Variants in ENTPD4 observed in about 807,000 individuals in gnomAD.
ENTPD4 encodes Golgi UDPase.
In ENTPD4, 60 loss-of-function variants were observed where a neutral mutation model predicts 79.1. The ratio of observed to expected loss-of-function variants is 0.76; its 90% CI spans 0.62 to 0.94. ENTPD4 has a LOEUF of 0.94. Ranked by LOEUF, ENTPD4 falls within the 40% of genes least tolerant of loss-of-function variation. The pLI, the probability that ENTPD4 is intolerant of heterozygous loss-of-function variation, is 0.00. For synonymous variants in ENTPD4, 276 were observed against 292.0 expected, an observed-to-expected ratio of 0.95 and a Z score of 0.56; for missense variants, 772 against 775.1, an observed-to-expected ratio of 1.00 and a Z score of 0.05.
Position 23,439,812 on chromosome 8 carries a change from C to G in ENTPD4, c.986G>C (p.Gly329Ala). Residue 329 changes from glycine to alanine, a missense_variant, in exon 9 of 13, where the codon GGT (glycine) becomes GCT (alanine). Coordinates refer to ENST00000358689, the MANE Select transcript of ENTPD4 (RefSeq NM_004901.5). The part of the protein sequence containing the change: ...RVYVATFLGF[G>A]GNAARQRYED... Reference sequence around the variant, plus strand: ...GTATCTCTGTCGAGCAGCATTGCCACCAAACCCAAGAAACGTGGCCACATA... The same window carrying G: ...GTATCTCTGTCGAGCAGCATTGCCAGCAAACCCAAGAAACGTGGCCACATA... 2 of 1,614,166 alleles carry G rather than the reference C, an allele frequency of 1.2e-6. No homozygotes were observed. The highest frequency in any genetic ancestry group is 1.7e-6 in the Non-Finnish European group (2 of 1,180,020).
Position 23,432,895 on chromosome 8 carries a change from C to G in ENTPD4, c.*31G>C. 6.5e-7 allele frequency: 1 copy of G among 1,529,626 alleles called. No individual in the cohort carries two copies. Among genetic ancestry groups the G allele is most frequent in the Non-Finnish European group, 8.8e-7 (1 of 1,134,252 alleles). The allele number at this position is 1,529,626 out of a possible 1,614,324, so 94.8% of individuals were successfully genotyped here. A position where few individuals can be genotyped will look rare whatever the true frequency, so the allele number is the denominator to read the frequency against. ...AACCCTGAGGCAAAAATGGCTTTTC[C>G]TTTTGAGTCTTCGTGGAGCTGTGAG... On this transcript the variant is annotated 3_prime_UTR_variant, in exon 13 of 13. Coordinates refer to ENST00000358689, the MANE Select transcript of ENTPD4 (RefSeq NM_004901.5).
chr8:23,430,499 G>C lies in ENTPD4; in HGVS notation c.*2427C>G. ...TTTTTGAACTGCATTGTTCTCACAA[G>C]GACCAGCAAACTTTTTCTGTAAATA... On this transcript the variant is annotated 3_prime_UTR_variant, in exon 13 of 13. Transcript: ENST00000358689. The C allele has an allele frequency of 1.0e-6, 1 of 985,414 alleles. No homozygotes were observed. The highest frequency in any genetic ancestry group is 1.2e-6 in the Non-Finnish European group (1 of 829,926). The allele number at this position is 985,414 out of a possible 1,614,324, so 61.0% of individuals were successfully genotyped here. A position where few individuals can be genotyped will look rare whatever the true frequency, so the allele number is the denominator to read the frequency against.
At chr8:23,435,608 T>C (rs1800543302) in intron 10 of ENTPD4, 131 bp from the exon 11 acceptor site, 1 of 669,932 alleles carries the variant, frequency 1.5e-6, no homozygotes, top group Non-Finnish European at 2.6e-6. Flanking sequence ...GCTTAACTTA[T>C]ACAACAAATG....
Position 23,432,735 on chromosome 8 carries a change from T to G in ENTPD4, c.*191A>C, listed in dbSNP as rs1246799495. On this transcript the variant is annotated 3_prime_UTR_variant, in exon 13 of 13. Coordinates refer to ENST00000358689, the MANE Select transcript of ENTPD4 (RefSeq NM_004901.5). ...GGATGGTCTCGATCTCCTGACCTCA[T>G]GATCCGCCCGCCTCGGCCTCCCAAA... 7.8e-7 allele frequency: 1 copy of G among 1,275,160 alleles called. No individual in the cohort carries two copies. Among genetic ancestry groups the G allele is most frequent in the Non-Finnish European group, 1.0e-6 (1 of 964,656 alleles). 79.0% of individuals were successfully genotyped at this position (1,275,160 alleles called of 1,614,324 possible). A position where few individuals can be genotyped will look rare whatever the true frequency, so the allele number is the denominator to read the frequency against.
chr8:23,449,223 T>C (rs1800816806), intron 2 of ENTPD4, among the ~76,000 whole-genome samples: 2 of 152,160 alleles, frequency 1.3e-5, no homozygotes, highest in Admixed American at 1.3e-4. Context: ...TGCTCCAACA[T>C]AGATACAGAA....
At chr8:23,442,197 A>C (rs1264345386) in intron 6 of ENTPD4, 131 bp from the exon 7 acceptor site, 2 of 611,712 alleles carry the variant, frequency 3.3e-6, no homozygotes, top group Non-Finnish European at 5.7e-6. Flanking sequence ...CTGAAATAAC[A>C]CCTTGCTACT....
chr8:23,444,019 GA>G (rs1800719528), intron 5 of ENTPD4, 66 bp from the exon 6 acceptor site: 25 of 1,117,722 alleles, frequency 2.2e-5, no homozygotes, highest in Non-Finnish European at 3.3e-5. Flanking sequence ...TTTAGAAAAG[GA>G]AAAAAATAAA....
intron 1 of ENTPD4, among the ~76,000 whole-genome samples, chr8:23,457,278 C>T (rs1288211470): frequency 2.0e-5 from 3 of 151,818 alleles, no homozygotes; most frequent in African/African-American, 4.9e-5. Flanking sequence ...CGAGCGGTCA[C>T]CCGAGGCGCG....
At chr8:23,440,123 T>C (rs989498673) in intron 8 of ENTPD4, 6 of 502,912 alleles carry the variant, frequency 1.2e-5, no homozygotes, top group East Asian at 6.3e-5. Context: ...GATACTGTTA[T>C]GACTTTTTGA....
intron 12 of ENTPD4, 92 bp from the exon 13 acceptor site, chr8:23,433,246 G>A (rs1800493287): frequency 1.9e-6 from 2 of 1,071,732 alleles, no homozygotes; most frequent in African/African-American, 1.6e-5. Context: ...CCAGGCCCCA[G>A]AGCTGCACTT....
At chr8:23,449,383 T>C (rs1454270080) in intron 2 of ENTPD4, among the ~76,000 whole-genome samples, 1 of 152,148 alleles carries the variant, frequency 6.6e-6, no homozygotes, top group Non-Finnish European at 1.5e-5. Flanking sequence ...CTGAGCTCAT[T>C]GCCCATTACA....
At chr8:23,453,498 C>T (rs969838670) in intron 1 of ENTPD4, among the ~76,000 whole-genome samples, 4 of 152,080 alleles carry the variant, frequency 2.6e-5, no homozygotes, top group Non-Finnish European at 5.9e-5. Flanking sequence ...AAGAGAAAGA[C>T]TGAACAGAAA....
intron 4 of ENTPD4, among the ~76,000 whole-genome samples, chr8:23,446,286 G>A (rs1228732863): frequency 6.6e-6 from 1 of 152,184 alleles, no homozygotes; most frequent in Non-Finnish European, 1.5e-5. Context: ...CAACTCCAAG[G>A]CATGGAAGTT....
Position 23,449,913 on chromosome 8 carries a change from G to C in ENTPD4, c.-13C>G, listed in dbSNP as rs1800829353. On this transcript the variant is annotated 5_prime_UTR_variant, in exon 2 of 13. Transcript: ENST00000358689. ...CTTACCTCCCCATACTGAAAGGTCA[G>C]CAACAAGGCAATGCTCTGGGATTCA... The C allele has an allele frequency of 5.0e-6, 8 of 1,613,824 alleles. No individual in the cohort carries two copies. Among genetic ancestry groups the C allele is most frequent in the Non-Finnish European group, 6.8e-6 (8 of 1,179,844 alleles).
Position 23,437,122 on chromosome 8 carries a change from G to A in ENTPD4, c.1186C>T (p.Arg396Ter). ...TTCATGAAAGGCTGGATAGTCTCTC[G>A]ACACAGGTCAAAGTCTCCAGTCCCT... ...LRGTGDFDLC[R>*]ETIQPFMNKT... The change falls in exon 10 of 13, where the codon CGA becomes TGA. Residue 396 changes from arginine (R) to a stop codon, truncating the protein, a stop_gained. Transcript: ENST00000358689. LOFTEE classifies it high-confidence loss of function. 1.2e-6 allele frequency: 2 copies of A among 1,614,182 alleles called. No individual in the cohort carries two copies. Among genetic ancestry groups the A allele is most frequent in the Non-Finnish European group, 1.7e-6 (2 of 1,180,020 alleles).
chr8:23,457,415 A>AGCGGGCAGCGGCGGTGGCGCGGGGCT (rs1563230911), intron 1 of ENTPD4, 142 bp downstream of exon 1: 35 of 70,324 alleles, frequency 5.0e-4, no homozygotes, highest in African/African-American at 3.1e-3. Context: ...CCGCGGGGCT[A>AGCGGGCAGCGGCGGTGGCGCGGGGCT]AGCAGGCGGC....
chr8:23,448,087 C>T (rs1800794691), intron 3 of ENTPD4, among the ~76,000 whole-genome samples: 1 of 152,184 alleles, frequency 6.6e-6, no homozygotes, highest in African/African-American at 2.4e-5. Flanking sequence ...AAATCAGACA[C>T]ACACTCCATT....
chr8:23,445,379 A>G lies in ENTPD4; in HGVS notation c.413-773T>C, dbSNP rs150598376. On this transcript the variant is annotated intron_variant, in intron 4 of 12. Transcript: ENST00000358689. The stretch of plus-strand genomic sequence containing the variant: ...AGGCTTCCAATTCTTTTGTGGCTCA[A>G]TGTCCTCCAGGTAAGGCTCAACTCT... Among the ~76,000 whole-genome samples, 706 of 152,130 alleles carry G rather than the reference A, an allele frequency of 4.6e-3. 4 individuals are homozygous for G. The highest frequency in any genetic ancestry group is 0.016 in the African/African-American group (678 of 41,496).
At chr8:23,450,124 AG>A in intron 1 of ENTPD4, 127 bp from the exon 2 acceptor site, 2 of 591,378 alleles carry the variant, frequency 3.4e-6, no homozygotes, top group Middle Eastern at 3.1e-4. Flanking sequence ...AGCTGTTGGA[AG>A]GGTTTATTCT....
Sources: gnomAD v4.1 joint callset for allele counts (sites outside exome capture counted in the v4.1 genomes callset) on GRCh38, gnomAD v4.1.1 for gene constraint, MANE v1.5 for transcripts, NCBI Gene and HGNC (gene_info 2026-07-23, HGNC 2026-07-21) for gene names.